The following AFF3 variants were observed in gnomAD, a reference collection of about 807,000 sequenced individuals.
AFF3 encodes the protein AF4/FMR2 family member 3.
In AFF3, 32 loss-of-function variants were observed where a neutral mutation model predicts 129.7. That is an observed-to-expected ratio of 0.25 (90% CI 0.19 to 0.33). The LOEUF (loss-of-function observed/expected upper bound fraction) is 0.33, where lower values mean the gene tolerates loss of function less well. AFF3 is among the 10% of genes least tolerant of loss of function. AFF3 has a pLI of 1.00. For synonymous variants in AFF3, 644 were observed against 635.4 expected (o/e 1.01, Z -0.20); for missense variants, 1,373 against 1,592.0 (o/e 0.86, Z 2.34).
intron 10 of AFF3, among the ~76,000 whole-genome samples, chr2:99,730,471 T>C (rs1679731858): frequency 6.6e-6 from 1 of 152,058 alleles, no homozygotes; most frequent in African/African-American, 2.4e-5. Context: ...AAAATAATCC[T>C]GCATTAAACT....
intron 12 of AFF3, among the ~76,000 whole-genome samples, chr2:99,667,545 A>T (rs1380095438): frequency 1.3e-5 from 2 of 152,220 alleles, no homozygotes; most frequent in African/African-American, 4.8e-5. Flanking sequence ...AAACAAATAG[A>T]TAATATTAAT....
chr2:99,849,739 G>T (rs561213280), intron 7 of AFF3, among the ~76,000 whole-genome samples: 101 of 152,324 alleles, frequency 6.6e-4, no homozygotes, highest in Non-Finnish European at 1.2e-3. Flanking sequence ...ACCAGATGAT[G>T]TTATCTCTAC....
chr2:99,908,498 C>T (rs1694879592), intron 7 of AFF3, among the ~76,000 whole-genome samples: 1 of 152,080 alleles, frequency 6.6e-6, no homozygotes, highest in Non-Finnish European at 1.5e-5. Flanking sequence ...AACTAAAGAG[C>T]TTCTGCACAG....
intron 4 of AFF3, among the ~76,000 whole-genome samples, chr2:100,028,940 G>A (rs1482209000): frequency 1.3e-5 from 2 of 151,636 alleles, no homozygotes; most frequent in Non-Finnish European, 2.9e-5. Flanking sequence ...AACTGAGAGC[G>A]GGGTCTTGGA....
At chr2:99,553,918 C>CAAAAAAAAAAA (rs61326965) in intron 24 of AFF3, among the ~76,000 whole-genome samples, 13 of 56,926 alleles carry the variant, frequency 2.3e-4, no homozygotes, top group African/African-American at 3.4e-4. Context: ...TGTCTCAAAC[C>CAAAAAAAAAAA]AAAAAAAAAA....
chr2:100,030,094 AATAATG>A (rs1559071438), intron 4 of AFF3, among the ~76,000 whole-genome samples: 2 of 145,568 alleles, frequency 1.4e-5, no homozygotes, highest in South Asian at 2.2e-4. Context: ...TAATAATAAT[AATAATG>A]ATAAGATGAT....
At chr2:99,628,531 C>T (rs1216024185) in intron 13 of AFF3, among the ~76,000 whole-genome samples, 1 of 151,894 alleles carries the variant, frequency 6.6e-6, no homozygotes, top group Non-Finnish European at 1.5e-5. Flanking sequence ...TTCCTCTCTT[C>T]CTATTTGAAT....
intron 7 of AFF3, among the ~76,000 whole-genome samples, chr2:99,858,281 C>A (rs1257565874): frequency 2.0e-5 from 3 of 151,474 alleles, no homozygotes; most frequent in Non-Finnish European, 4.4e-5. Context: ...CGTGGTGGCT[C>A]ATGCCTGTAA....
intron 13 of AFF3, among the ~76,000 whole-genome samples, chr2:99,639,688 TA>T (rs926985868): frequency 7.9e-6 from 1 of 125,878 alleles, no homozygotes; most frequent in Non-Finnish European, 1.6e-5. Context: ...TTTTTTTAAT[TA>T]ATTTTTTTTT....
intron 8 of AFF3, among the ~76,000 whole-genome samples, chr2:99,805,813 T>TACGC (rs1686296503): frequency 7.0e-6 from 1 of 142,834 alleles, no homozygotes; most frequent in Non-Finnish European, 1.5e-5. Context: ...GCAGGAGTCT[T>TACGC]ACACACACAC....
At chr2:99,620,192 C>A (rs1438048058) in intron 13 of AFF3, among the ~76,000 whole-genome samples, 1 of 152,212 alleles carries the variant, frequency 6.6e-6, no homozygotes, top group Non-Finnish European at 1.5e-5. Context: ...GCCTAGGAAC[C>A]TGCACACCAG....
At position 99,812,959 on chromosome 2, in the gene AFF3, T is replaced by C. The variant is rs550186972; in HGVS notation, c.921+24518A>G. Among the ~76,000 whole-genome samples, 12 of 152,348 alleles carry C rather than the reference T, an allele frequency of 7.9e-5. No individual in the cohort carries two copies. The East Asian group carries it at 2.3e-3, about 29-fold the overall frequency. On this transcript the variant is annotated intron_variant, in intron 8 of 24. Transcript: ENST00000672756. Reference sequence around the variant, plus strand: ...ATTTAGTCATTGCTGATTATGTCTTTTTATAATTCATTACCCTATTTCTCG... The same window carrying C: ...ATTTAGTCATTGCTGATTATGTCTTCTTATAATTCATTACCCTATTTCTCG...
At chr2:99,927,221 A>C (rs1025652529) in intron 7 of AFF3, among the ~76,000 whole-genome samples, 17 of 152,240 alleles carry the variant, frequency 1.1e-4, no homozygotes, top group African/African-American at 4.1e-4. Context: ...AGTCAGAAAC[A>C]ATCCAGCCAC....
At chr2:99,587,020 A>T in intron 16 of AFF3, 134 bp downstream of exon 16, 1 of 1,210,128 alleles carries the variant, frequency 8.3e-7, no homozygotes, top group Non-Finnish European at 1.2e-6. Context: ...GATTTGGGTT[A>T]AAGGAGGGAA....
chr2:99,962,382 C>A (rs1677314011), intron 7 of AFF3, among the ~76,000 whole-genome samples: 1 of 152,086 alleles, frequency 6.6e-6, no homozygotes, highest in Non-Finnish European at 1.5e-5. Flanking sequence ...ACCCATCATA[C>A]CAAGAACCAG....
At chr2:99,563,116 C>T (rs1675625814) in intron 20 of AFF3, among the ~76,000 whole-genome samples, 1 of 151,866 alleles carries the variant, frequency 6.6e-6, no homozygotes, top group South Asian at 2.1e-4. Flanking sequence ...CGCTCCAGGC[C>T]CTTCAGTGTC....
chr2:99,671,803 T>G (rs1349598848), intron 12 of AFF3, among the ~76,000 whole-genome samples: 1 of 152,164 alleles, frequency 6.6e-6, no homozygotes, highest in Admixed American at 6.5e-5. Flanking sequence ...AAAATCTGTC[T>G]TTAGTGTTTT....
chr2:100,119,293 T>C (rs2105551708), intron 2 of AFF3, among the ~76,000 whole-genome samples: 1 of 152,300 alleles, frequency 6.6e-6, no homozygotes, highest in South Asian at 2.1e-4. Flanking sequence ...AGGGGCTTTG[T>C]TGTTACAGCC....
chr2:99,947,600 A>AT (rs1363172771), intron 7 of AFF3, among the ~76,000 whole-genome samples: 7 of 133,474 alleles, frequency 5.2e-5, no homozygotes, highest in African/African-American at 1.2e-4. Context: ...AGAAAGAAAG[A>AT]AAGATAGATA....
Sources: gnomAD v4.1 joint callset for allele counts (sites outside exome capture counted in the v4.1 genomes callset) on GRCh38, gnomAD v4.1.1 for gene constraint, MANE v1.5 for transcripts, NCBI Gene and HGNC (gene_info 2026-07-23, HGNC 2026-07-21) for gene names.